The following CLDN4 variants were observed in gnomAD, a reference collection of about 807,000 sequenced individuals.
CLDN4 encodes the protein claudin-4.
In CLDN4, 12 loss-of-function variants were observed where a neutral mutation model predicts 13.7. That is an observed-to-expected ratio of 0.88 (90% CI 0.56 to 1.42). CLDN4 has a LOEUF of 1.42. Among genes scored for constraint, CLDN4 ranks in the 40% most tolerant of loss-of-function variants. The pLI is 0.00. For synonymous variants in CLDN4, 152 were observed against 140.6 expected, an observed-to-expected ratio of 1.08 and a Z score of -0.57; for missense variants, 252 against 297.4, an observed-to-expected ratio of 0.85 and a Z score of 1.12.
Position 73,832,052 on chromosome 7 carries a change from C to T in CLDN4, c.*221C>T. 1.8e-6 allele frequency: 1 copy of T among 548,480 alleles called. No homozygotes were observed. The highest frequency in any genetic ancestry group is 3.5e-5 in the South Asian group (1 of 28,232). 34.0% of individuals were successfully genotyped at this position (548,480 alleles called of 1,614,324 possible). ...TCCTGCTAGCAAGAACAGAGTCCAC[C>T]CTCCTCTGGATATTGGGGAGGGACG... On this transcript the variant is annotated 3_prime_UTR_variant, in exon 1 of 1. Transcript: ENST00000340958.
rs1041287524 is a variant in CLDN4 at position 73,831,403 on chromosome 7, G to A, written c.202G>A (p.Asp68Asn). 24 of 1,614,138 alleles carry A rather than the reference G, an allele frequency of 1.5e-5. No homozygotes were observed. The highest frequency in any genetic ancestry group is 5.3e-5 in the African/African-American group (4 of 75,066). ...STGQMQCKVYDSLLALPQDLQ... is the reference protein window; with the variant it reads ...STGQMQCKVYNSLLALPQDLQ... ...CGGCCAGATGCAGTGCAAGGTGTAC[G>A]ACTCGCTGCTGGCACTGCCGCAGGA... is the stretch of plus-strand genomic sequence containing the variant. Residue 68 changes from aspartate (D) to asparagine (N), a missense_variant, in exon 1 of 1, where the codon GAC becomes AAC. Physicochemically the swap from Asp to Asn is conservative, Grantham distance 23. Transcript: ENST00000340958.
rs782153295 is a variant in CLDN4, at chr7:73,831,126, G to T, written c.-76G>T. 239 of 1,488,668 alleles carry T rather than the reference G, an allele frequency of 1.6e-4. No individual in the cohort carries two copies. The highest frequency in any genetic ancestry group is 3.3e-4 in the Admixed American group (15 of 45,320). 92.2% of individuals were successfully genotyped at this position (1,488,668 alleles called of 1,614,324 possible). A position where few individuals can be genotyped will look rare whatever the true frequency, so the allele number is the denominator to read the frequency against. ...TCTGCGAACGTTAAGTCCGTCCCCA[G>T]CGCTTGGAATCCTACGGCCCCCACA... On this transcript the variant is annotated 5_prime_UTR_variant, in exon 1 of 1. Transcript: ENST00000340958.
chr7:73,831,854 C>T lies in CLDN4; in HGVS notation c.*23C>T, dbSNP rs782041866. 2 of 1,548,470 alleles carry T rather than the reference C, an allele frequency of 1.3e-6. No homozygotes were observed. The highest frequency in any genetic ancestry group is 1.4e-5 in the African/African-American group (1 of 73,470). ...TAAGGTGCCACGGCTCCACTCTGTT[C>T]CTCTCTGCTTTGTTCTTCCCTGGAC... On this transcript the variant is annotated 3_prime_UTR_variant, in exon 1 of 1. Coordinates refer to ENST00000340958, the MANE Select transcript of CLDN4 (RefSeq NM_001305.5).
chr7:73,831,898 T>C lies in CLDN4; in HGVS notation c.*67T>C. 6.6e-7 allele frequency: 1 copy of C among 1,512,666 alleles called. No individual in the cohort carries two copies. Among genetic ancestry groups the C allele is most frequent in the South Asian group, 1.3e-5 (1 of 74,600 alleles). 93.7% of individuals were successfully genotyped at this position (1,512,666 alleles called of 1,614,324 possible). ...CCTGGACTGAGCTCAGCGCAGGCTG[T>C]GACCCCAGGAGGGCCCTGCCACGGG... On this transcript the variant is annotated 3_prime_UTR_variant, in exon 1 of 1. Coordinates refer to ENST00000340958, the MANE Select transcript of CLDN4 (RefSeq NM_001305.5).
rs1187613887 is a variant in CLDN4, at chr7:73,831,249, G to A, written c.48G>A (p.Leu16=). ...TAATGGGCATCGCGCTGGCCGTCCT[G>A]GGCTGGCTGGCCGTCATGCTGTGCT... The part of the protein sequence containing the change: ...LQVMGIALAV[L]GWLAVMLCCA... Residue 16 remains leucine, a synonymous_variant, in exon 1 of 1, where the codon CTG becomes CTA. Transcript: ENST00000340958. 1.2e-6 allele frequency: 2 copies of A among 1,602,628 alleles called. No individual in the cohort carries two copies. Among genetic ancestry groups the A allele is most frequent in the Non-Finnish European group, 1.7e-6 (2 of 1,172,518 alleles).
Position 73,831,736 on chromosome 7 carries a change from G to T in CLDN4, c.535G>T (p.Gly179Trp). Reference sequence around the variant, plus strand: ...CTCCGGCCTGCTGCTCCTTGGCGGGGGGCTGCTTTGCTGCAACTGTCCACC... The same window carrying T: ...CTCCGGCCTGCTGCTCCTTGGCGGGTGGCTGCTTTGCTGCAACTGTCCACC... The part of the protein sequence containing the change: ...AASGLLLLGG[G>W]LLCCNCPPRT... The change falls in exon 1 of 1, where the codon GGG becomes TGG. Residue 179 changes from glycine (G) to tryptophan (W), a missense_variant. Gly to Trp is a radical substitution (Grantham distance 184). Coordinates refer to ENST00000340958, the MANE Select transcript of CLDN4 (RefSeq NM_001305.5). 6.2e-7 allele frequency: 1 copy of T among 1,612,976 alleles called. No homozygotes were observed.
chr7:73,831,000 T>C lies in CLDN4; in HGVS notation c.-202T>C. ...TGCTCAACCTGTCCCCGAGAGAGAG[T>C]GCCCTGGCAGCTGTCGGCTGGAAGG... is the stretch of plus-strand genomic sequence containing the variant. On this transcript the variant is annotated 5_prime_UTR_variant, in exon 1 of 1. Coordinates refer to ENST00000340958, the MANE Select transcript of CLDN4 (RefSeq NM_001305.5). 2 of 530,590 alleles carry C rather than the reference T, an allele frequency of 3.8e-6. No individual in the cohort carries two copies. The highest frequency in any genetic ancestry group is 6.3e-6 in the Non-Finnish European group (2 of 315,846). 32.9% of individuals were successfully genotyped at this position (530,590 alleles called of 1,614,324 possible).
chr7:73,832,024 G>C lies in CLDN4; in HGVS notation c.*193G>C, dbSNP rs1031789308. ...CCCACTCGGACAACTTCCCAAGGCCGCCTCCTGCTAGCAAGAACAGAGTCC... is the reference window on the plus strand; with the variant it reads ...CCCACTCGGACAACTTCCCAAGGCCCCCTCCTGCTAGCAAGAACAGAGTCC... On this transcript the variant is annotated 3_prime_UTR_variant, in exon 1 of 1. Transcript: ENST00000340958. 1.6e-6 allele frequency: 1 copy of C among 641,512 alleles called. No individual in the cohort carries two copies. The highest frequency in any genetic ancestry group is 3.3e-5 in the Admixed American group (1 of 30,342). 39.7% of individuals were successfully genotyped at this position (641,512 alleles called of 1,614,324 possible). A position where few individuals can be genotyped will look rare whatever the true frequency, so the allele number is the denominator to read the frequency against.
chr7:73,831,754 T>G lies in CLDN4; in HGVS notation c.553T>G (p.Cys185Gly). 1 of 1,611,560 alleles carries G rather than the reference T, an allele frequency of 6.2e-7. No homozygotes were observed. The highest frequency in any genetic ancestry group is 8.5e-7 in the Non-Finnish European group (1 of 1,178,626). ...LLGGGLLCCNCPPRTDKPYSA... is the reference protein window; with the variant it reads ...LLGGGLLCCNGPPRTDKPYSA... ...TGGCGGGGGGCTGCTTTGCTGCAAC[T>G]GTCCACCCCGCACAGACAAGCCTTA... Residue 185 changes from cysteine (C) to glycine (G), a missense_variant, in exon 1 of 1, where the codon TGT (cysteine) becomes GGT (glycine). Cys to Gly is a radical substitution (Grantham distance 159, BLOSUM62 -3). Coordinates refer to ENST00000340958, the MANE Select transcript of CLDN4 (RefSeq NM_001305.5).
rs932383229 is a variant in CLDN4, at chr7:73,831,408, G to A, written c.207G>A (p.Ser69=). Residue 69 remains serine (S), a synonymous_variant, in exon 1 of 1, where the codon TCG becomes TCA. Coordinates refer to ENST00000340958, the MANE Select transcript of CLDN4 (RefSeq NM_001305.5). ...TGQMQCKVYD[S]LLALPQDLQA... ...AGATGCAGTGCAAGGTGTACGACTC[G>A]CTGCTGGCACTGCCGCAGGACCTGC... The A allele has an allele frequency of 3.1e-6, 5 of 1,614,140 alleles. No individual in the cohort carries two copies. Among genetic ancestry groups the A allele is most frequent in the Non-Finnish European group, 2.5e-6 (3 of 1,180,008 alleles).
chr7:73,831,585 C>G lies in CLDN4; in HGVS notation c.384C>G (p.Ala128=). Reference sequence around the variant, plus strand: ...TGGCGGGCGTGGTGTTCCTGTTGGCCGGCCTTATGGTGATAGTGCCGGTGT... The same window carrying G: ...TGGCGGGCGTGGTGTTCCTGTTGGCGGGCCTTATGGTGATAGTGCCGGTGT... ...MIVAGVVFLL[A]GLMVIVPVSW... Residue 128 remains alanine, a synonymous_variant, in exon 1 of 1, where the codon GCC becomes GCG. Transcript: ENST00000340958. The G allele has an allele frequency of 6.2e-7, 1 of 1,614,098 alleles. No individual in the cohort carries two copies. The highest frequency in any genetic ancestry group is 8.5e-7 in the Non-Finnish European group (1 of 1,179,972).
At position 73,831,715 on chromosome 7, in the gene CLDN4, G is replaced by A. The variant is rs782701130; in HGVS notation, c.514G>A (p.Gly172Ser). The A allele has an allele frequency of 6.8e-6, 11 of 1,613,804 alleles. No homozygotes were observed. Among genetic ancestry groups the A allele is most frequent in the East Asian group, 6.7e-5 (3 of 44,874 alleles). The change falls in exon 1 of 1, where the codon GGC becomes AGC. Residue 172 changes from glycine (G) to serine (S), a missense_variant. Gly to Ser is a moderately conservative substitution (Grantham distance 56). Coordinates refer to ENST00000340958, the MANE Select transcript of CLDN4 (RefSeq NM_001305.5). ...GCTCTACGTCGGCTGGGCCGCCTCC[G>A]GCCTGCTGCTCCTTGGCGGGGGGCT... ...ASLYVGWAASGLLLLGGGLLC... is the reference protein window; with the variant it reads ...ASLYVGWAASSLLLLGGGLLC...
In CLDN4 at chr7:73,831,012, T is replaced by C; in HGVS notation, c.-190T>C. On this transcript the variant is annotated 5_prime_UTR_variant, in exon 1 of 1. Transcript: ENST00000340958. ...CCCCGAGAGAGAGTGCCCTGGCAGC[T>C]GTCGGCTGGAAGGAACTGGTCTGCT... The C allele has an allele frequency of 3.4e-6, 2 of 588,864 alleles. No homozygotes were observed. The highest frequency in any genetic ancestry group is 5.6e-6 in the Non-Finnish European group (2 of 358,880). The allele number at this position is 588,864 out of a possible 1,614,324, so 36.5% of individuals were successfully genotyped here.
At position 73,831,849 on chromosome 7, in the gene CLDN4, C is replaced by T. The variant is rs1554634210; in HGVS notation, c.*18C>T. On this transcript the variant is annotated 3_prime_UTR_variant, in exon 1 of 1. Transcript: ENST00000340958. The stretch of plus-strand genomic sequence containing the variant: ...ACGTGTAAGGTGCCACGGCTCCACT[C>T]TGTTCCTCTCTGCTTTGTTCTTCCC... 1 of 1,549,594 alleles carries T rather than the reference C, an allele frequency of 6.5e-7. No homozygotes were observed. Among genetic ancestry groups the T allele is most frequent in the Non-Finnish European group, 8.7e-7 (1 of 1,145,540 alleles).
At position 73,832,037 on chromosome 7, in the gene CLDN4, A is replaced by G. The variant is rs568546416; in HGVS notation, c.*206A>G. On this transcript the variant is annotated 3_prime_UTR_variant, in exon 1 of 1. Coordinates refer to ENST00000340958, the MANE Select transcript of CLDN4 (RefSeq NM_001305.5). ...CTTCCCAAGGCCGCCTCCTGCTAGC[A>G]AGAACAGAGTCCACCCTCCTCTGGA... 10 of 590,266 alleles carry G rather than the reference A, an allele frequency of 1.7e-5. No individual in the cohort carries two copies. In the East Asian group the frequency reaches 2.9e-4, roughly 17 times the overall value. 36.6% of individuals were successfully genotyped at this position (590,266 alleles called of 1,614,324 possible).
At position 73,831,889 on chromosome 7, in the gene CLDN4, C is replaced by A; in HGVS notation, c.*58C>A. ...TTGTTCTTCCCTGGACTGAGCTCAG[C>A]GCAGGCTGTGACCCCAGGAGGGCCC... On this transcript the variant is annotated 3_prime_UTR_variant, in exon 1 of 1. Transcript: ENST00000340958. The A allele has an allele frequency of 6.6e-7, 1 of 1,517,318 alleles. No individual in the cohort carries two copies. Among genetic ancestry groups the A allele is most frequent in the Non-Finnish European group, 8.8e-7 (1 of 1,131,208 alleles). The allele number at this position is 1,517,318 out of a possible 1,614,324, so 94.0% of individuals were successfully genotyped here. A position where few individuals can be genotyped will look rare whatever the true frequency, so the allele number is the denominator to read the frequency against.
Position 73,831,719 on chromosome 7 carries a change from T to C in CLDN4, c.518T>C (p.Leu173Pro), listed in dbSNP as rs781839221. 12 of 1,613,568 alleles carry C rather than the reference T, an allele frequency of 7.4e-6. No individual in the cohort carries two copies. The highest frequency in any genetic ancestry group is 4.0e-5 in the African/African-American group (3 of 74,936). Residue 173 changes from leucine to proline, a missense_variant, in exon 1 of 1, where the codon CTG becomes CCG. Transcript: ENST00000340958. Reference protein sequence around the residue: ...SLYVGWAASGLLLLGGGLLCC... With the variant: ...SLYVGWAASGPLLLGGGLLCC... The stretch of plus-strand genomic sequence containing the variant: ...TACGTCGGCTGGGCCGCCTCCGGCC[T>C]GCTGCTCCTTGGCGGGGGGCTGCTT...
chr7:73,831,525 G>A lies in CLDN4; in HGVS notation c.324G>A (p.Leu108=), dbSNP rs1554634118. 6 of 1,614,116 alleles carry A rather than the reference G, an allele frequency of 3.7e-6. No homozygotes were observed. The Admixed American group carries it at 8.3e-5, about 22-fold the overall frequency. ...TGGGGGGCAAGTGTACCAACTGCCT[G>A]GAGGATGAAAGCGCCAAGGCCAAGA... The part of the protein sequence containing the change: ...SVVGGKCTNC[L]EDESAKAKTM... The change falls in exon 1 of 1, where the codon CTG becomes CTA. Residue 108 remains leucine, a synonymous_variant. Coordinates refer to ENST00000340958, the MANE Select transcript of CLDN4 (RefSeq NM_001305.5).
rs1391080822 is a variant in CLDN4 at position 73,832,475 on chromosome 7, C to A, written c.*644C>A. 6.0e-6 allele frequency: 1 copy of A among 167,258 alleles called. No homozygotes were observed. The highest frequency in any genetic ancestry group is 1.9e-4 in the East Asian group (1 of 5,190). 10.4% of individuals were successfully genotyped at this position (167,258 alleles called of 1,614,324 possible). A position where few individuals can be genotyped will look rare whatever the true frequency, so the allele number is the denominator to read the frequency against. On this transcript the variant is annotated 3_prime_UTR_variant, in exon 1 of 1. Transcript: ENST00000340958. ...GCCTCACCCGCTTCAGCCCAGGGCC[C>A]CTGGAGACTGATCCCCTCTGAGTCC...
Sources: allele counts gnomAD v4.1 joint callset, GRCh38; gene constraint gnomAD v4.1.1; transcripts MANE v1.5; gene names NCBI Gene and HGNC (gene_info 2026-07-23, HGNC 2026-07-21).